GLIS3: variants seen among roughly 807,000 people sequenced by gnomAD.
GLIS3 encodes the protein zinc finger protein GLIS3.
GLIS3 carries 53 observed loss-of-function variants against 78.6 expected under a neutral mutation model. The ratio of observed to expected loss-of-function variants is 0.67; its 90% CI spans 0.54 to 0.85. The LOEUF is 0.85. GLIS3 is among the 40% of genes least tolerant of loss of function. The pLI is 0.00. For missense variants in GLIS3, 1,703 were observed against 1,231.1 expected (o/e 1.38, Z -5.74); for synonymous variants, 684 against 509.9 (o/e 1.34, Z -4.60).
At chr9:3,897,514 A>G (rs1168535410) in intron 7 of GLIS3, among the ~76,000 whole-genome samples, 3 of 152,210 alleles carry the variant, frequency 2.0e-5, no homozygotes, top group South Asian at 2.1e-4. Flanking sequence ...ATGTCTGTAT[A>G]TGAACCTGTA....
intron 4 of GLIS3, among the ~76,000 whole-genome samples, chr9:4,061,067 T>G (rs998521930): frequency 3.9e-5 from 6 of 152,188 alleles, no homozygotes; most frequent in African/African-American, 1.4e-4. Flanking sequence ...TGATCCATTT[T>G]TTTTTTTTAC....
intron 4 of GLIS3, among the ~76,000 whole-genome samples, chr9:4,015,073 G>A (rs572512240): frequency 6.6e-6 from 1 of 152,286 alleles, no homozygotes; most frequent in East Asian, 1.9e-4. Context: ...AAGCTATAGA[G>A]AAAACATAGT....
At chr9:3,988,911 G>A (rs976693371) in intron 4 of GLIS3, among the ~76,000 whole-genome samples, 5 of 152,040 alleles carry the variant, frequency 3.3e-5, no homozygotes, top group Non-Finnish European at 7.4e-5. Flanking sequence ...GTATAAATTT[G>A]TTCTCATCAA....
intron 2 of GLIS3, among the ~76,000 whole-genome samples, chr9:4,135,146 C>G (rs1026736387): frequency 7.9e-5 from 12 of 152,180 alleles, no homozygotes; most frequent in Non-Finnish European, 1.6e-4. Context: ...TAGCTTAACA[C>G]ATGTCAAAGC....
chr9:4,332,447 C>G (rs1377571508), intron 2 of GLIS3, among the ~76,000 whole-genome samples: 1 of 152,194 alleles, frequency 6.6e-6, no homozygotes, highest in East Asian at 1.9e-4. Context: ...GGCCACGTGA[C>G]TAAGTTCCAG....
At chr9:4,022,887 G>C (rs867762288) in intron 4 of GLIS3, among the ~76,000 whole-genome samples, 2 of 152,158 alleles carry the variant, frequency 1.3e-5, no homozygotes, top group African/African-American at 2.4e-5. Flanking sequence ...ACAAAACCCA[G>C]ATCAGCGGCT....
At chr9:4,319,977 A>G in intron 2 of GLIS3, among the ~76,000 whole-genome samples, 1 of 145,134 alleles carries the variant, frequency 6.9e-6, no homozygotes, top group South Asian at 2.3e-4. Context: ...AGGTTAGTAG[A>G]GGGGGTTGTG....
At chr9:4,220,038 G>C (rs1413400788) in intron 2 of GLIS3, among the ~76,000 whole-genome samples, 1 of 152,174 alleles carries the variant, frequency 6.6e-6, no homozygotes, top group African/African-American at 2.4e-5. Flanking sequence ...GTAAGGAATT[G>C]ATCAAAGAAT....
At chr9:4,355,996 G>A in the GLIS3 span, among the ~76,000 whole-genome samples, 1 of 152,078 alleles carries the variant, frequency 6.6e-6, no homozygotes, top group African/African-American at 2.4e-5. Flanking sequence ...TGTGTTCTAT[G>A]GTACAAAAAT....
Position 4,289,089 on chromosome 9 carries a change from T to G in GLIS3, c.-98-2566A>C, listed in dbSNP as rs549928581. ...AAAGGGATAAAATGCTATTATAACT[T>G]TTAAGAAAGACCCTCATAGAGTGTG... On this transcript the variant is annotated intron_variant, in intron 1 of 10. Coordinates refer to ENST00000381971, the MANE Select transcript of GLIS3 (RefSeq NM_001042413.2). Among the ~76,000 whole-genome samples the G allele has an allele frequency of 1.5e-4, 23 of 152,310 alleles. No homozygotes were observed. The East Asian group carries it at 4.4e-3, about 29-fold the overall frequency.
At chr9:4,114,928 G>C (rs1389379712) in intron 4 of GLIS3, among the ~76,000 whole-genome samples, 1 of 152,236 alleles carries the variant, frequency 6.6e-6, no homozygotes, top group Non-Finnish European at 1.5e-5. Context: ...CTGCCACCCA[G>C]AATCCTGAAT....
At chr9:4,324,431 ACC>A (rs560389797) in intron 2 of GLIS3, among the ~76,000 whole-genome samples, 162 of 152,220 alleles carry the variant, frequency 1.1e-3, no homozygotes, top group African/African-American at 3.8e-3. Context: ...TGCCCTAGAC[ACC>A]TCACGGGATT....
intron 7 of GLIS3, among the ~76,000 whole-genome samples, chr9:3,892,306 A>G (rs1298189695): frequency 2.0e-5 from 3 of 152,216 alleles, no homozygotes; most frequent in Non-Finnish European, 1.5e-5. Flanking sequence ...TAAGACTCCA[A>G]GAAGGCAGCT....
At chr9:4,202,583 G>C (rs545720045) in intron 2 of GLIS3, among the ~76,000 whole-genome samples, 1 of 151,990 alleles carries the variant, frequency 6.6e-6, no homozygotes, top group Non-Finnish European at 1.5e-5. Flanking sequence ...ATAAGGCTAC[G>C]GTAAACAAAA....
intron 4 of GLIS3, among the ~76,000 whole-genome samples, chr9:3,951,071 G>T (rs889789490): frequency 1.1e-4 from 17 of 152,208 alleles, no homozygotes; most frequent in Non-Finnish European, 7.4e-5. Flanking sequence ...TACATGAAAT[G>T]CATGTTTTCT....
intron 6 of GLIS3, among the ~76,000 whole-genome samples, chr9:3,917,159 A>C (rs1466908838): frequency 6.6e-6 from 1 of 152,268 alleles, no homozygotes; most frequent in African/African-American, 2.4e-5. Context: ...CCAGGAAATG[A>C]AAAACTGAGG....
At chr9:3,897,403 C>A (rs1822927839) in intron 7 of GLIS3, among the ~76,000 whole-genome samples, 1 of 151,986 alleles carries the variant, frequency 6.6e-6, no homozygotes, top group Non-Finnish European at 1.5e-5. Flanking sequence ...ACAAATCAGA[C>A]ACACAAAAAC....
intron 2 of GLIS3, among the ~76,000 whole-genome samples, chr9:4,242,581 C>T (rs912925393): frequency 6.6e-6 from 1 of 152,234 alleles, no homozygotes. Context: ...GCTCCCCATA[C>T]CCAGTGGGTT....
chr9:4,150,279 G>C (rs537991577), intron 2 of GLIS3, among the ~76,000 whole-genome samples: 1 of 152,284 alleles, frequency 6.6e-6, no homozygotes, highest in African/African-American at 2.4e-5. Flanking sequence ...CAACTGGACT[G>C]ACCTAAAAGC....
Sources: gnomAD v4.1 joint callset for allele counts (sites outside exome capture counted in the v4.1 genomes callset) on GRCh38, gnomAD v4.1.1 for gene constraint, MANE v1.5 for transcripts, NCBI Gene and HGNC (gene_info 2026-07-23, HGNC 2026-07-21) for gene names.